The following IL1R1 variants were observed in gnomAD, a reference collection of about 807,000 sequenced individuals.
The protein encoded by IL1R1 is interleukin 1 receptor type 1.
IL1R1 carries 22 observed loss-of-function variants against 50.2 expected under a neutral mutation model. That is an observed-to-expected ratio of 0.44 (90% CI 0.31 to 0.63). IL1R1 has a LOEUF of 0.63. Among genes scored for constraint, IL1R1 ranks in the 20% least tolerant of loss-of-function variants. The pLI is 0.07. For synonymous variants in IL1R1, 251 were observed against 236.7 expected, an observed-to-expected ratio of 1.06 and a Z score of -0.55; for missense variants, 509 against 676.2, an observed-to-expected ratio of 0.75 and a Z score of 2.74.
chr2:102,116,139 C>T lies in IL1R1; in HGVS notation c.-84+11267C>T, dbSNP rs190990400. ...ACAAGGTGGGTGCGTTGCACTGGGT[C>T]GAGATGGTTCAGATGTCCCCCAATG... On this transcript the variant is annotated intron_variant, in intron 1 of 10. Coordinates refer to the IL1R1 transcript ENST00000409329. Among the ~76,000 whole-genome samples the T allele has an allele frequency of 1.5e-3, 221 of 152,320 alleles. 3 individuals are homozygous for T. Among genetic ancestry groups the T allele is most frequent in the Admixed American group, 0.012 (179 of 15,296 alleles).
intron 1 of IL1R1, among the ~76,000 whole-genome samples, chr2:102,131,357 G>T (rs984563267): frequency 6.6e-6 from 1 of 152,072 alleles, no homozygotes. Context: ...AAATTACCAG[G>T]TATGCAAATA....
At chr2:102,099,004 T>G (rs1331425138) in intron 1 of IL1R1, among the ~76,000 whole-genome samples, 1 of 152,184 alleles carries the variant, frequency 6.6e-6, no homozygotes, top group Admixed American at 6.5e-5. Context: ...ATATAATGAA[T>G]ACCAGTAAGA....
chr2:102,101,780 GT>G (rs1483219686), upstream of IL1R1, among the ~76,000 whole-genome samples: 1 of 152,210 alleles, frequency 6.6e-6, no homozygotes, highest in Non-Finnish European at 1.5e-5. Context: ...TCTTCTGATA[GT>G]TTAAATGTTA....
upstream of IL1R1, among the ~76,000 whole-genome samples, chr2:102,100,897 G>A (rs1235566010): frequency 6.6e-6 from 1 of 152,134 alleles, no homozygotes; most frequent in African/African-American, 2.4e-5. Flanking sequence ...ATGTATCATT[G>A]CCTGGAATAG....
At chr2:102,096,309 G>A (rs750404731) in intron 1 of IL1R1, among the ~76,000 whole-genome samples, 6 of 152,168 alleles carry the variant, frequency 3.9e-5, no homozygotes, top group Non-Finnish European at 8.8e-5. Context: ...ATAGGCACGT[G>A]TTCAAACTGT....
intron 1 of IL1R1, among the ~76,000 whole-genome samples, chr2:102,108,224 A>G (rs202246315): frequency 3.7e-4 from 48 of 128,578 alleles, no homozygotes; most frequent in African/African-American, 1.3e-3. Context: ...GTGTGTGTGT[A>G]TGTATGTGTG....
intron 1 of IL1R1, among the ~76,000 whole-genome samples, chr2:102,098,487 T>C (rs1041638902): frequency 5.3e-5 from 8 of 152,166 alleles, no homozygotes; most frequent in Non-Finnish European, 1.2e-4. Context: ...CCTGTCCACA[T>C]GGTAAACCAA....
intron 1 of IL1R1, among the ~76,000 whole-genome samples, chr2:102,105,800 C>T (rs1021274599): frequency 6.6e-6 from 1 of 152,170 alleles, no homozygotes; most frequent in East Asian, 1.9e-4. Flanking sequence ...ATATTTTTCT[C>T]CCCCCTTCAG....
At chr2:102,111,404 G>A (rs541914220) in intron 1 of IL1R1, among the ~76,000 whole-genome samples, 1 of 152,350 alleles carries the variant, frequency 6.6e-6, no homozygotes. Flanking sequence ...TGTGAGACAA[G>A]TGGAGACATT....
In IL1R1 at chr2:102,165,319, AAT is replaced by A; in HGVS notation, c.486+18_486+19del. 1 of 1,386,450 alleles carries A rather than the reference AAT, an allele frequency of 7.2e-7. No individual in the cohort carries two copies. The highest frequency in any genetic ancestry group is 9.8e-7 in the Non-Finnish European group (1 of 1,016,272). 85.9% of individuals were successfully genotyped at this position (1,386,450 alleles called of 1,614,324 possible). ...AGTGGTATAAGGTAATTTTATTTTA[AAT>A]ATGACATTTCACTTTTCCAGAAAAT... On this transcript the variant is annotated intron_variant, in intron 5 of 11. Transcript: ENST00000410023.
At chr2:102,082,773 G>A (rs1478467019) in intron 1 of IL1R1, among the ~76,000 whole-genome samples, 1 of 152,214 alleles carries the variant, frequency 6.6e-6, no homozygotes, top group Non-Finnish European at 1.5e-5. Flanking sequence ...GGGAGATGTT[G>A]TAGACTGTTG....
chr2:102,132,960 TC>T (rs1682118910), intron 1 of IL1R1, among the ~76,000 whole-genome samples: 1 of 152,108 alleles, frequency 6.6e-6, no homozygotes, highest in African/African-American at 2.4e-5. Flanking sequence ...TTAAAAATCT[TC>T]CCACAAGGCG....
chr2:102,135,397 C>A (rs1315843877), intron 1 of IL1R1, among the ~76,000 whole-genome samples: 1 of 152,198 alleles, frequency 6.6e-6, no homozygotes, highest in Non-Finnish European at 1.5e-5. Context: ...AAAGTACATG[C>A]ATTCCTATCT....
chr2:102,086,649 T>C (rs1011250341), intron 1 of IL1R1, among the ~76,000 whole-genome samples: 8 of 152,170 alleles, frequency 5.3e-5, no homozygotes, highest in African/African-American at 1.9e-4. Context: ...AAAAACTCAC[T>C]AGTTCTTTAT....
intron 1 of IL1R1, among the ~76,000 whole-genome samples, chr2:102,129,548 C>A (rs1195011962): frequency 2.6e-5 from 4 of 152,116 alleles, no homozygotes; most frequent in Admixed American, 6.6e-5. Flanking sequence ...ATTTGTACCC[C>A]CTAAAGGAGC....
chr2:102,177,912 A>T lies in IL1R1; in HGVS notation c.*1153A>T, dbSNP rs963069620. On this transcript the variant is annotated 3_prime_UTR_variant, in exon 12 of 12. Transcript: ENST00000410023. ...TCCCGCTCCTGCTGAAACACCTCCC[A>T]GGGGCTCCACCTGTTCAGGAGCTGA... 2.0e-5 allele frequency: 3 copies of T among 152,884 alleles called. No homozygotes were observed. Among genetic ancestry groups the T allele is most frequent in the African/African-American group, 7.2e-5 (3 of 41,416 alleles). The allele number at this position is 152,884 out of a possible 1,614,324, so 9.5% of individuals were successfully genotyped here. A position where few individuals can be genotyped will look rare whatever the true frequency, so the allele number is the denominator to read the frequency against.
intron 1 of IL1R1, among the ~76,000 whole-genome samples, chr2:102,134,455 C>T (rs7590231): frequency 0.39 from 58,936 of 151,624 alleles, 12,723 homozygotes; most frequent in African/African-American, 0.59. Flanking sequence ...TTCGGCTCAC[C>T]GCAACCTCCG....
intron 1 of IL1R1, among the ~76,000 whole-genome samples, chr2:102,092,327 A>T (rs1679705875): frequency 6.6e-6 from 1 of 152,036 alleles, no homozygotes; most frequent in Non-Finnish European, 1.5e-5. Context: ...TTCTCTGAAA[A>T]TTTTGTTTTT....
intron 6 of IL1R1, among the ~76,000 whole-genome samples, chr2:102,167,425 T>C (rs1685274610): frequency 6.6e-6 from 1 of 150,408 alleles, no homozygotes; most frequent in South Asian, 2.1e-4. Flanking sequence ...CTGGGGACTA[T>C]TTAAGCTAGG....
Sources: gnomAD v4.1 joint callset for allele counts (sites outside exome capture counted in the v4.1 genomes callset) on GRCh38, gnomAD v4.1.1 for gene constraint, MANE v1.5 for transcripts, NCBI Gene and HGNC (gene_info 2026-07-23, HGNC 2026-07-21) for gene names.